HAUS4: variants seen among roughly 807,000 people sequenced by gnomAD.
The protein encoded by HAUS4 is HAUS augmin-like complex subunit 4.
A neutral mutation model predicts 50.6 loss-of-function variants in HAUS4; 34 were observed. That is an observed-to-expected ratio of 0.67 (90% CI 0.51 to 0.90). HAUS4 has a LOEUF of 0.90. Ranked by LOEUF, HAUS4 falls within the 40% of genes least tolerant of loss-of-function variation. The pLI is 0.00. For synonymous variants in HAUS4, 149 were observed against 161.4 expected (o/e 0.92, Z 0.58); for missense variants, 370 against 428.7 (o/e 0.86, Z 1.21).
intron 6 of HAUS4, among the ~76,000 whole-genome samples, chr14:22,948,810 C>T (rs973965867): frequency 1.7e-4 from 25 of 151,374 alleles, no homozygotes; most frequent in African/African-American, 5.1e-4. Context: ...GATGGTATTA[C>T]AGGCGTAAGC....
intron 8 of HAUS4, 88 bp downstream of exon 8, chr14:22,947,513 T>C (rs1385853047): frequency 4.2e-6 from 6 of 1,424,198 alleles, no homozygotes; most frequent in African/African-American, 1.4e-5. Flanking sequence ...GGCGCTAGGA[T>C]AAGGGAGAGG....
chr14:22,946,415 T>C lies in HAUS4; in HGVS notation c.*110A>G, dbSNP rs566351453. On this transcript the variant is annotated 3_prime_UTR_variant, in exon 10 of 10. Transcript: ENST00000541587. The stretch of plus-strand genomic sequence containing the variant: ...ACTGCAGTGTTTCAAGCGTAAGCAT[T>C]TCCACACTCCCTTGTACTGAAGGCA... 3.4e-5 allele frequency: 25 copies of C among 742,878 alleles called. No homozygotes were observed. The highest frequency in any genetic ancestry group is 3.3e-4 in the African/African-American group (19 of 56,808). The allele number at this position is 742,878 out of a possible 1,614,324, so 46.0% of individuals were successfully genotyped here.
chr14:22,953,605 C>A (rs917579105), intron 2 of HAUS4, among the ~76,000 whole-genome samples: 4 of 150,986 alleles, frequency 2.6e-5, no homozygotes, highest in Non-Finnish European at 5.9e-5. Context: ...GCCACCATGC[C>A]TGGCTAATAT....
At chr14:22,947,083 C>A in intron 9 of HAUS4, 88 bp downstream of exon 9, 1 of 934,302 alleles carries the variant, frequency 1.1e-6, no homozygotes, top group South Asian at 1.3e-5. Context: ...TGTGCCCAGC[C>A]AAAAATGGCA....
At chr14:22,952,783 AT>A in intron 2 of HAUS4, 100 bp from the exon 3 acceptor site, 1 of 914,620 alleles carries the variant, frequency 1.1e-6, no homozygotes, top group Non-Finnish European at 1.6e-6. Context: ...AACCCCTAGG[AT>A]TTTTATAGGA....
In HAUS4 at chr14:22,946,406, C is replaced by T. The variant is rs552775056; in HGVS notation, c.*119G>A. Reference sequence around the variant, plus strand: ...GCCTAAATGACTGCAGTGTTTCAAGCGTAAGCATTTCCACACTCCCTTGTA... The same window carrying T: ...GCCTAAATGACTGCAGTGTTTCAAGTGTAAGCATTTCCACACTCCCTTGTA... On this transcript the variant is annotated 3_prime_UTR_variant, in exon 10 of 10. Transcript: ENST00000541587. 1.1e-5 allele frequency: 7 copies of T among 656,002 alleles called. No homozygotes were observed. In the Admixed American group the frequency reaches 1.6e-4, roughly 15 times the overall value. 40.6% of individuals were successfully genotyped at this position (656,002 alleles called of 1,614,324 possible). A position where few individuals can be genotyped will look rare whatever the true frequency, so the allele number is the denominator to read the frequency against.
chr14:22,947,220 A>T lies in HAUS4; in HGVS notation c.859T>A (p.Leu287Met). The change falls in exon 9 of 10, where the codon TTG becomes ATG. Residue 287 changes from leucine (L) to methionine (M), a missense_variant. By Grantham distance (15) the Leu-to-Met change is conservative. Transcript: ENST00000541587. ...TTCTCAACAGTGTAAGTGTCGGACAAAATCTTTAGCTCCTCCATCCTGACA... is the reference window on the plus strand; with the variant it reads ...TTCTCAACAGTGTAAGTGTCGGACATAATCTTTAGCTCCTCCATCCTGACA... Reference protein sequence around the residue: ...LKLRMEELKILSDTYTVEKVE... With the variant: ...LKLRMEELKIMSDTYTVEKVE... 6.2e-7 allele frequency: 1 copy of T among 1,609,010 alleles called. No homozygotes were observed. The highest frequency in any genetic ancestry group is 8.5e-7 in the Non-Finnish European group (1 of 1,175,316).
At chr14:22,953,935 T>G (rs2044810042) in intron 2 of HAUS4, among the ~76,000 whole-genome samples, 1 of 151,946 alleles carries the variant, frequency 6.6e-6, no homozygotes, top group Non-Finnish European at 1.5e-5. Flanking sequence ...CAGCCTCTAA[T>G]TTTTGTATTT....
At chr14:22,947,331 G>T in intron 8 of HAUS4, 92 bp from the exon 9 acceptor site, 1 of 896,470 alleles carries the variant, frequency 1.1e-6, no homozygotes, top group African/African-American at 1.6e-5. Context: ...CGGTCAAGGT[G>T]TGGGCTAAGC....
At chr14:22,952,705 G>T in intron 2 of HAUS4, 22 bp from the exon 3 acceptor site, 1 of 1,554,308 alleles carries the variant, frequency 6.4e-7, no homozygotes, top group Admixed American at 2.1e-5. Context: ...GTCCCCACAG[G>T]TACAAAAAAA....
chr14:22,946,401 T>C lies in HAUS4; in HGVS notation c.*124A>G, dbSNP rs180857293. On this transcript the variant is annotated 3_prime_UTR_variant, in exon 10 of 10. Transcript: ENST00000541587. ...AGAGTGCCTAAATGACTGCAGTGTTTCAAGCGTAAGCATTTCCACACTCCC... is the reference window on the plus strand; with the variant it reads ...AGAGTGCCTAAATGACTGCAGTGTTCCAAGCGTAAGCATTTCCACACTCCC... 20 of 627,834 alleles carry C rather than the reference T, an allele frequency of 3.2e-5. No individual in the cohort carries two copies. In the East Asian group the frequency reaches 4.9e-4, roughly 16 times the overall value. 38.9% of individuals were successfully genotyped at this position (627,834 alleles called of 1,614,324 possible).
chr14:22,946,760 G>T, intron 9 of HAUS4, 52 bp from the exon 10 acceptor site: 8 of 1,189,578 alleles, frequency 6.7e-6, no homozygotes, highest in African/African-American at 1.6e-5. Context: ...TCCTCAGAAA[G>T]TAGTGGACAA....
chr14:22,953,786 AT>A lies in HAUS4; in HGVS notation c.56-1104del, dbSNP rs60021495. Among the ~76,000 whole-genome samples, 1,054 of 129,884 alleles carry A rather than the reference AT, an allele frequency of 8.1e-3. 2 individuals are homozygous for A. The highest frequency in any genetic ancestry group is 0.014 in the African/African-American group (500 of 35,486). 85.2% of individuals were successfully genotyped at this position (129,884 alleles called of 152,430 possible). ...CAGGCACCCGCCACCACGCCCAGCT[AT>A]TTTTTTTTTTTTTTTTGTATTTTTA... On this transcript the variant is annotated intron_variant, in intron 2 of 9. Transcript: ENST00000541587.
intron 6 of HAUS4, among the ~76,000 whole-genome samples, chr14:22,948,522 C>T (rs1208897805): frequency 2.6e-5 from 4 of 151,180 alleles, no homozygotes; most frequent in Non-Finnish European, 4.4e-5. Context: ...CCTTTGATTC[C>T]GGATTTGGAC....
Position 22,952,539 on chromosome 14 carries a change from A to G in HAUS4, c.198+2T>C, listed in dbSNP as rs1344143922. Reference sequence around the variant, plus strand: ...TCTTATCTCTTCTCCCAAAGCCCTTACCTGAGCCTGCTCCTTTGCTAGGGT... The same window carrying G: ...TCTTATCTCTTCTCCCAAAGCCCTTGCCTGAGCCTGCTCCTTTGCTAGGGT... On this transcript the variant is annotated splice_donor_variant, in intron 3 of 9. Coordinates refer to ENST00000541587, the MANE Select transcript of HAUS4 (RefSeq NM_001166269.2). LOFTEE classifies it high-confidence loss of function. 1 of 1,612,986 alleles carries G rather than the reference A, an allele frequency of 6.2e-7. No homozygotes were observed. The highest frequency in any genetic ancestry group is 8.5e-7 in the Non-Finnish European group (1 of 1,179,470).
intron 5 of HAUS4, among the ~76,000 whole-genome samples, chr14:22,951,307 A>G (rs542252596): frequency 3.3e-5 from 5 of 152,022 alleles, no homozygotes; most frequent in African/African-American, 1.2e-4. Flanking sequence ...ACTCGGCCTT[A>G]TACTCTCTAT....
At chr14:22,948,440 T>TA (rs35960690) in intron 6 of HAUS4, among the ~76,000 whole-genome samples, 89 of 76,964 alleles carry the variant, frequency 1.2e-3, no homozygotes, top group African/African-American at 1.3e-3. Context: ...ACAGAGTTTT[T>TA]AAAAAAAAAA....
chr14:22,955,555 G>A (rs2139322680), intron 1 of HAUS4: 1 of 168,462 alleles, frequency 5.9e-6, no homozygotes, highest in Non-Finnish European at 1.3e-5. Flanking sequence ...AGTGAACTGG[G>A]GGAAAAGGGA....
chr14:22,947,442 G>A (rs2295686), intron 8 of HAUS4, 159 bp downstream of exon 8: 127,938 of 823,170 alleles, frequency 0.16, 10,775 homozygotes, highest in Non-Finnish European at 0.17. Flanking sequence ...CAAGGATGTT[G>A]AAAGCTTTTG....
Sources: allele counts gnomAD v4.1 joint callset (sites outside exome capture counted in the v4.1 genomes callset), GRCh38; gene constraint gnomAD v4.1.1; transcripts MANE v1.5; gene names NCBI Gene and HGNC (gene_info 2026-07-23, HGNC 2026-07-21).